SSPN: variants seen among roughly 807,000 people sequenced by gnomAD.
The protein encoded by SSPN is K-ras oncogene-associated protein.
SSPN carries 15 observed loss-of-function variants against 19.1 expected under a neutral mutation model. The ratio of observed to expected loss-of-function variants is 0.78; its 90% CI spans 0.52 to 1.21. The LOEUF is 1.21. SSPN is among the 50% of genes most tolerant of loss of function. The pLI is 0.00. For missense variants in SSPN, 291 were observed against 314.0 expected (o/e 0.93, Z 0.55); for synonymous variants, 147 against 140.3 (o/e 1.05, Z -0.34).
chr12:26,197,486 A>G (rs566202936), intron 1 of SSPN, among the ~76,000 whole-genome samples: 1 of 152,352 alleles, frequency 6.6e-6, no homozygotes, highest in Non-Finnish European at 1.5e-5. Context: ...GGGAATTAAA[A>G]CAAACAAAGA....
intron 1 of SSPN, among the ~76,000 whole-genome samples, chr12:26,163,320 T>C (rs1944601447): frequency 6.6e-6 from 1 of 152,302 alleles, no homozygotes; most frequent in Non-Finnish European, 1.5e-5. Flanking sequence ...ATCTGAAATG[T>C]CTCTGAAGCC....
chr12:26,208,922 T>G (rs1944955845), intron 1 of SSPN, among the ~76,000 whole-genome samples: 1 of 152,188 alleles, frequency 6.6e-6, no homozygotes, highest in Non-Finnish European at 1.5e-5. Context: ...TGGCTATCAC[T>G]ATGCCAATAC....
At chr12:26,187,300 TAAAG>T (rs1204752422) in intron 1 of SSPN, among the ~76,000 whole-genome samples, 1 of 152,168 alleles carries the variant, frequency 6.6e-6, no homozygotes, top group African/African-American at 2.4e-5. Flanking sequence ...TTCCACAATA[TAAAG>T]AGAGAGTTTT....
intron 1 of SSPN, among the ~76,000 whole-genome samples, chr12:26,177,158 G>T (rs1490031265): frequency 6.6e-6 from 1 of 152,194 alleles, no homozygotes; most frequent in Non-Finnish European, 1.5e-5. Context: ...AGGATCCAAT[G>T]AGATGATTTA....
At chr12:26,215,695 T>C (rs987935469) in intron 1 of SSPN, among the ~76,000 whole-genome samples, 1 of 152,206 alleles carries the variant, frequency 6.6e-6, no homozygotes, top group Non-Finnish European at 1.5e-5. Flanking sequence ...TGCTTTGGGT[T>C]AGAGTGGCTG....
Position 26,164,108 on chromosome 12 carries a change from T to A in SSPN, c.-31+41956T>A, listed in dbSNP as rs1341752023. On this transcript the variant is annotated intron_variant, in intron 1 of 2. Coordinates refer to the SSPN transcript ENST00000538142. ...CGTAAGCAGATCACTCAACTGAAAG[T>A]CATTGCAGCATCACATACCACTGAT... is the stretch of plus-strand genomic sequence containing the variant. Among the ~76,000 whole-genome samples the A allele has an allele frequency of 1.3e-5, 2 of 152,186 alleles. 1 individual carries two copies. Among genetic ancestry groups the A allele is most frequent in the Admixed American group, 1.3e-4 (2 of 15,284 alleles).
upstream of SSPN, chr12:26,195,328 C>G (rs1944815627): frequency 3.8e-6 from 1 of 262,268 alleles, no homozygotes; most frequent in Admixed American, 5.4e-5. Context: ...GGAAAACAGA[C>G]GCCCCGCACT....
chr12:26,146,067 A>G (rs1206962395), intron 1 of SSPN, among the ~76,000 whole-genome samples: 3 of 152,218 alleles, frequency 2.0e-5, no homozygotes, highest in East Asian at 1.9e-4. Context: ...CTAAATGACA[A>G]CAGTGGTGCT....
chr12:26,142,224 C>T (rs1465329627), intron 1 of SSPN, among the ~76,000 whole-genome samples: 1 of 152,036 alleles, frequency 6.6e-6, no homozygotes, highest in Non-Finnish European at 1.5e-5. Flanking sequence ...TAAGCAGTGC[C>T]AGTTTTGCAT....
At chr12:26,159,821 A>G (rs1461792571) in intron 1 of SSPN, among the ~76,000 whole-genome samples, 1 of 152,216 alleles carries the variant, frequency 6.6e-6, no homozygotes, top group Non-Finnish European at 1.5e-5. Context: ...GCGGCAGCAA[A>G]TGCTCCCTGA....
At chr12:26,196,990 C>A (rs1475948035) in intron 1 of SSPN, among the ~76,000 whole-genome samples, 1 of 152,196 alleles carries the variant, frequency 6.6e-6, no homozygotes, top group Non-Finnish European at 1.5e-5. Context: ...TTCATTTGAG[C>A]CACGAAACAA....
intron 2 of SSPN, among the ~76,000 whole-genome samples, chr12:26,227,144 G>A (rs1320993306): frequency 6.6e-6 from 1 of 152,166 alleles, no homozygotes; most frequent in African/African-American, 2.4e-5. Context: ...TGCCATGTAG[G>A]TAAAACAAGC....
intron 1 of SSPN, among the ~76,000 whole-genome samples, chr12:26,134,582 C>G (rs542597851): frequency 6.6e-6 from 1 of 152,346 alleles, no homozygotes; most frequent in South Asian, 2.1e-4. Flanking sequence ...ATGTGCTCCA[C>G]CAAATCATCT....
At chr12:26,157,078 T>C (rs779274641) in intron 1 of SSPN, among the ~76,000 whole-genome samples, 51 of 152,234 alleles carry the variant, frequency 3.4e-4, no homozygotes, top group Non-Finnish European at 6.5e-4. Context: ...TCTTTTCAGA[T>C]GTTTTTTCAT....
At chr12:26,124,725 A>G (rs912541897) in intron 1 of SSPN, 12 of 1,614,054 alleles carry the variant, frequency 7.4e-6, no homozygotes, top group Non-Finnish European at 1.0e-5. Flanking sequence ...TACCCTATAA[A>G]ATCTCTATGT....
At chr12:26,192,883 A>G (rs1454063551), upstream of SSPN, among the ~76,000 whole-genome samples, 1 of 145,498 alleles carries the variant, frequency 6.9e-6, no homozygotes, top group Non-Finnish European at 1.5e-5. Context: ...CAGAAGACAA[A>G]TGTATAGCAA....
intron 1 of SSPN, chr12:26,122,713 C>T (rs1270442610): frequency 6.3e-7 from 1 of 1,586,214 alleles, no homozygotes; most frequent in South Asian, 1.1e-5. Flanking sequence ...CCGGGAGGCT[C>T]CTGCTTGATG....
intron 1 of SSPN, among the ~76,000 whole-genome samples, chr12:26,182,234 C>T (rs1944722888): frequency 6.6e-6 from 1 of 152,174 alleles, no homozygotes; most frequent in Non-Finnish European, 1.5e-5. Flanking sequence ...GTCACTCAGT[C>T]ATTCCATAGA....
intron 1 of SSPN, among the ~76,000 whole-genome samples, chr12:26,220,937 A>G (rs1215206194): frequency 2.0e-5 from 3 of 152,146 alleles, no homozygotes; most frequent in Admixed American, 6.5e-5. Flanking sequence ...CAGGTGAAGA[A>G]TGGCCTCTAG....
Sources: gnomAD v4.1 joint callset for allele counts (sites outside exome capture counted in the v4.1 genomes callset) on GRCh38, gnomAD v4.1.1 for gene constraint, MANE v1.5 for transcripts, NCBI Gene and HGNC (gene_info 2026-07-23, HGNC 2026-07-21) for gene names.